The following DAPK2 variants were observed in gnomAD, a reference collection of about 807,000 sequenced individuals.
The protein encoded by DAPK2 is death-associated protein kinase 2.
A neutral mutation model predicts 44.1 loss-of-function variants in DAPK2; 35 were observed. That is an observed-to-expected ratio of 0.79 (90% CI 0.61 to 1.05). The LOEUF (loss-of-function observed/expected upper bound fraction) is 1.05. Ranked by LOEUF, DAPK2 falls within the 50% of genes least tolerant of loss-of-function variation. The pLI, the probability that DAPK2 is intolerant of heterozygous loss-of-function variation, is 0.00. For synonymous variants in DAPK2, 174 were observed against 182.6 expected (o/e 0.95, Z 0.38); for missense variants, 453 against 483.2 (o/e 0.94, Z 0.59).
chr15:64,023,134 T>C (rs1001983074), intron 1 of DAPK2, among the ~76,000 whole-genome samples: 1 of 152,188 alleles, frequency 6.6e-6, no homozygotes, highest in Non-Finnish European at 1.5e-5. Context: ...CAAGGGGCGA[T>C]GTGGAGGAGG....
chr15:63,949,911 G>A (rs1160086349), intron 3 of DAPK2, among the ~76,000 whole-genome samples: 2 of 152,168 alleles, frequency 1.3e-5, no homozygotes, highest in Non-Finnish European at 2.9e-5. Flanking sequence ...GATGTCTATT[G>A]TATTCTCCCA....
At chr15:63,919,906 T>A (rs1044484122) in intron 8 of DAPK2, 1 of 152,224 alleles carries the variant, frequency 6.6e-6, no homozygotes. Context: ...AAGGGACATT[T>A]AATATTTGCA....
At chr15:63,926,441 G>A (rs980246305) in intron 6 of DAPK2, among the ~76,000 whole-genome samples, 1 of 152,130 alleles carries the variant, frequency 6.6e-6, no homozygotes, top group Admixed American at 6.5e-5. Context: ...GAAAGAGGGA[G>A]GCCCAGTGCA....
intron 1 of DAPK2, among the ~76,000 whole-genome samples, chr15:64,010,707 A>G (rs183224414): frequency 2.6e-5 from 4 of 152,278 alleles, no homozygotes; most frequent in Admixed American, 2.0e-4. Flanking sequence ...TCGGAAAACA[A>G]TGGGTCAGTC....
chr15:63,983,927 G>A (rs1216820909), intron 1 of DAPK2, among the ~76,000 whole-genome samples, 173 bp from the exon 3 acceptor site: 2 of 152,210 alleles, frequency 1.3e-5, no homozygotes, highest in African/African-American at 4.8e-5. Context: ...ATGGGGCAGG[G>A]ACTGGGCTTC....
At chr15:63,942,314 G>A in intron 3 of DAPK2, 4 of 931,444 alleles carry the variant, frequency 4.3e-6, no homozygotes, top group Non-Finnish European at 5.1e-6. Context: ...ACTTTGGGAG[G>A]CCAAGGCAGG....
intron 1 of DAPK2, among the ~76,000 whole-genome samples, chr15:63,992,501 A>G (rs1345492214): frequency 6.6e-6 from 1 of 152,216 alleles, no homozygotes; most frequent in Non-Finnish European, 1.5e-5. Flanking sequence ...TATATAGTCT[A>G]TTGCAGAGAT....
intron 8 of DAPK2, chr15:63,922,794 G>T (rs920761): frequency 2.0e-6 from 3 of 1,535,548 alleles, no homozygotes; most frequent in South Asian, 2.4e-5. Context: ...AGCTCTGACA[G>T]GGATTCACTG....
chr15:64,026,926 A>G, intron 1 of DAPK2, among the ~76,000 whole-genome samples: 1 of 152,180 alleles, frequency 6.6e-6, no homozygotes, highest in East Asian at 1.9e-4. Context: ...TTGTGTTGCT[A>G]TTGGAACTTC....
chr15:63,915,143 T>C lies in DAPK2; in HGVS notation c.859-2946A>G, dbSNP rs932290246. 2.0e-5 allele frequency among the ~76,000 whole-genome samples: 3 copies of C among 152,392 alleles called. No homozygotes were observed. In the East Asian group the frequency reaches 5.8e-4, roughly 29 times the overall value. ...GATATAAATGCTATGTAAATAGTTG[T>C]CACACTGTATTATTTGCATTTATTA... On this transcript the variant is annotated intron_variant, in intron 8 of 10. Coordinates refer to ENST00000261891, the Ensembl canonical transcript of DAPK2.
In DAPK2 at chr15:63,911,828, A is replaced by AG. The variant is rs1054688586; in HGVS notation, c.1032+79dup. Reference sequence around the variant, plus strand: ...ACAGTGAACACCCACCTGCCTTGTGAGGGGAAAGGGAACTCACCCATCCCT... The same window carrying AG: ...ACAGTGAACACCCACCTGCCTTGTGAGGGGGAAAGGGAACTCACCCATCCCT... On this transcript the variant is annotated intron_variant, in intron 10 of 10. Coordinates refer to ENST00000261891, the Ensembl canonical transcript of DAPK2. 8 of 1,407,112 alleles carry AG rather than the reference A, an allele frequency of 5.7e-6. No individual in the cohort carries two copies. In the Admixed American group the frequency reaches 1.5e-4, roughly 27 times the overall value. The allele number at this position is 1,407,112 out of a possible 1,614,324, so 87.2% of individuals were successfully genotyped here.
At position 63,966,766 on chromosome 15, in the gene DAPK2, C is replaced by T. The variant is rs1276236226; in HGVS notation, c.453+4657G>A. Among the ~76,000 whole-genome samples the T allele has an allele frequency of 2.0e-5, 3 of 152,212 alleles. No individual in the cohort carries two copies. Among genetic ancestry groups the T allele is most frequent in the Admixed American group, 1.3e-4 (2 of 15,278 alleles). ...TGCTGCACTCTCCCTCCCCCAAGTGCACAGGTTCTTTCTCCATGCAACATG... is the reference window on the plus strand; with the variant it reads ...TGCTGCACTCTCCCTCCCCCAAGTGTACAGGTTCTTTCTCCATGCAACATG... On this transcript the variant is annotated intron_variant, in intron 3 of 10. Coordinates refer to ENST00000261891, the Ensembl canonical transcript of DAPK2. The surrounding 1 kb of genome is among the most constrained non-coding windows in gnomAD (Gnocchi z 5.5).
chr15:63,920,945 C>T (rs758118745), intron 8 of DAPK2: 15 of 152,412 alleles, frequency 9.8e-5, no homozygotes, highest in Non-Finnish European at 1.9e-4. Context: ...AGCTGACCTC[C>T]GTTCCAGTGT....
chr15:63,961,060 G>C (rs149024601), intron 3 of DAPK2, among the ~76,000 whole-genome samples: 3 of 152,162 alleles, frequency 2.0e-5, no homozygotes, highest in Non-Finnish European at 4.4e-5. Flanking sequence ...ATTTAGGATC[G>C]TTAGCACTTC....
At chr15:63,973,121 T>C (rs11856608) in intron 2 of DAPK2, among the ~76,000 whole-genome samples, 8,743 of 152,214 alleles carry the variant, frequency 0.057, 822 homozygotes, top group African/African-American at 0.2. Context: ...CTGCCTCACA[T>C]TGTGGGCTTT....
At chr15:63,919,890 C>T (rs12912252) in intron 8 of DAPK2, 105,228 of 152,148 alleles carry the variant, frequency 0.69, 37,141 homozygotes, top group East Asian at 0.99. Context: ...TCTGTTAACA[C>T]GGCCAAAGGG....
chr15:64,044,917 G>A (rs2080425569), upstream of DAPK2, among the ~76,000 whole-genome samples: 1 of 152,164 alleles, frequency 6.6e-6, no homozygotes, highest in Non-Finnish European at 1.5e-5. Context: ...GCTCTGGAGA[G>A]GCTGCCAACA....
intron 3 of DAPK2, among the ~76,000 whole-genome samples, chr15:63,962,319 T>C (rs765950892): frequency 2.4e-4 from 36 of 152,158 alleles, no homozygotes; most frequent in Admixed American, 1.2e-3. Flanking sequence ...AGTTTGTTAT[T>C]ACCGATCGTC....
At chr15:63,983,509 G>A (rs372821073) in intron 2 of DAPK2, 24 bp downstream of exon 3, 1 of 1,605,906 alleles carries the variant, frequency 6.2e-7, no homozygotes, top group African/African-American at 1.3e-5. Flanking sequence ...CCCCAACCCT[G>A]TGGGTCCTGG....
Sources: allele counts gnomAD v4.1 joint callset (sites outside exome capture counted in the v4.1 genomes callset), GRCh38; gene constraint gnomAD v4.1.1; non-coding constraint Gnocchi (gnomAD v3.1); transcripts MANE v1.5; gene names NCBI Gene and HGNC (gene_info 2026-07-23, HGNC 2026-07-21).